SPTA1: variants seen among roughly 807,000 people sequenced by gnomAD.
SPTA1 encodes spectrin alpha chain, erythrocytic 1.
SPTA1 carries 177 observed loss-of-function variants against 324.7 expected under a neutral mutation model. The ratio of observed to expected loss-of-function variants is 0.55; its 90% CI spans 0.48 to 0.62. The LOEUF (loss-of-function observed/expected upper bound fraction) is 0.62, where lower values mean the gene tolerates loss of function less well. SPTA1 is among the 20% of genes least tolerant of loss of function. The pLI is 0.00. For synonymous variants in SPTA1, 1,195 were observed against 1,041.3 expected, an observed-to-expected ratio of 1.15 and a Z score of -2.84; for missense variants, 3,162 against 2,883.6, an observed-to-expected ratio of 1.10 and a Z score of -2.21.
rs751271842 is a variant in SPTA1 at position 158,615,381 on chromosome 1, G to A, written c.6623C>T (p.Ala2208Val). Residue 2208 changes from alanine (A) to valine (V), a missense_variant, in exon 48 of 52, where the codon GCG becomes GTG. Physicochemically the swap from Ala to Val is moderately conservative, Grantham distance 64 (BLOSUM62 0). Coordinates refer to ENST00000643759, the MANE Select transcript of SPTA1 (RefSeq NM_003126.4). ...ANKRKQKEIQ[A>V]MKRQLTKIVD... ...AATCTTGGTTAGTTGACGCTTCATCGCCTGGATCTCCTTCTGTTTTCTCTG... is the reference window on the plus strand; with the variant it reads ...AATCTTGGTTAGTTGACGCTTCATCACCTGGATCTCCTTCTGTTTTCTCTG... The A allele has an allele frequency of 4.0e-5, 64 of 1,613,910 alleles. No homozygotes were observed. The highest frequency in any genetic ancestry group is 6.7e-5 in the African/African-American group (5 of 74,922).
At chr1:158,655,039 T>C (rs1387141911) in intron 20 of SPTA1, among the ~76,000 whole-genome samples, 1 of 151,824 alleles carries the variant, frequency 6.6e-6, no homozygotes, top group Non-Finnish European at 1.5e-5. Context: ...ATGGGAGGAG[T>C]ACATTTTAAG....
At chr1:158,671,556 G>A (rs1455018917) in intron 11 of SPTA1, 103 bp from the exon 12 acceptor site, 5 of 883,202 alleles carry the variant, frequency 5.7e-6, no homozygotes, top group Non-Finnish European at 9.3e-6. Context: ...GGAACAAGGT[G>A]GGAATTAGCA....
At chr1:158,679,842 T>C (rs1654671765) in intron 5 of SPTA1, among the ~76,000 whole-genome samples, 1 of 152,144 alleles carries the variant, frequency 6.6e-6, no homozygotes, top group Admixed American at 6.6e-5. Flanking sequence ...TAGAAACTAC[T>C]GGAAATATGG....
chr1:158,686,297 A>G (rs1655169999), intron 1 of SPTA1, among the ~76,000 whole-genome samples, 197 bp downstream of exon 1: 1 of 152,202 alleles, frequency 6.6e-6, no homozygotes, highest in Non-Finnish European at 1.5e-5. Context: ...GACTTAAGTC[A>G]TTACTGGGTC....
At position 158,645,514 on chromosome 1, in the gene SPTA1, A is replaced by C. The variant is rs759401289; in HGVS notation, c.3977T>G (p.Ile1326Ser). ...TTTTACCTGATGTCTCTCCAGCAAG[A>C]TCTCTATGCCAGTTAAGTCTTCGGC... ...ELAEDLTGIE[I>S]LLERHQEHRA... is the part of the protein sequence containing the mutation. The change falls in exon 28 of 52, where the codon ATC becomes AGC. Residue 1326 changes from isoleucine to serine, a missense_variant. Transcript: ENST00000643759. The C allele has an allele frequency of 1.9e-5, 30 of 1,613,880 alleles. No homozygotes were observed. Among genetic ancestry groups the C allele is most frequent in the Non-Finnish European group, 2.3e-5 (27 of 1,179,938 alleles).
chr1:158,659,605 T>TTTTTTTTTA (rs1553232609), intron 18 of SPTA1, among the ~76,000 whole-genome samples: 3 of 100,996 alleles, frequency 3.0e-5, no homozygotes, highest in Non-Finnish European at 6.6e-5. Context: ...ATTTTTTTTT[T>TTTTTTTTTA]TTTTTTTTTT....
In SPTA1 at chr1:158,643,379, G is replaced by T. The variant is rs1651759877; in HGVS notation, c.4385C>A (p.Ala1462Asp). ...CTCTTCTTTGGCATAGTGTTCATCAGCAATGAGGCTCTCAGCAAAATGTTC... is the reference window on the plus strand; with the variant it reads ...CTCTTCTTTGGCATAGTGTTCATCATCAATGAGGCTCTCAGCAAAATGTTC... The part of the protein sequence containing the change: ...DLEHFAESLI[A>D]DEHYAKEEIA... The change falls in exon 31 of 52, where the codon GCT becomes GAT. Residue 1462 changes from alanine to aspartate, a missense_variant. Transcript: ENST00000643759. 3.1e-6 allele frequency: 5 copies of T among 1,613,850 alleles called. No homozygotes were observed. The East Asian group carries it at 1.1e-4, about 36-fold the overall frequency.
At chr1:158,640,805 CTACTT>C (rs1353703603) in intron 33 of SPTA1, among the ~76,000 whole-genome samples, 2 of 152,182 alleles carry the variant, frequency 1.3e-5, no homozygotes, top group Non-Finnish European at 2.9e-5. Context: ...TTGGAAAAAA[CTACTT>C]TAAAGTTCAT....
At chr1:158,661,240 G>A (rs1309475219) in intron 18 of SPTA1, 47 bp downstream of exon 18, 1 of 1,613,430 alleles carries the variant, frequency 6.2e-7, no homozygotes, top group Admixed American at 1.7e-5. Context: ...CTTCCCAGAG[G>A]TCTGGCCTGG....
Position 158,614,238 on chromosome 1 carries a change from T to C in SPTA1, c.6842+15A>G. The C allele has an allele frequency of 1.3e-6, 2 of 1,559,648 alleles. No individual in the cohort carries two copies. Among genetic ancestry groups the C allele is most frequent in the Admixed American group, 1.7e-5 (1 of 59,726 alleles). On this transcript the variant is annotated intron_variant, in intron 49 of 51. Transcript: ENST00000643759. ...TGAAAAACAAAGAAGCAGTTAACTATGAAATTATACTCACTTATAGATTGT... is the reference window on the plus strand; with the variant it reads ...TGAAAAACAAAGAAGCAGTTAACTACGAAATTATACTCACTTATAGATTGT...
Position 158,661,267 on chromosome 1 carries a change from T to C in SPTA1, c.2587+20A>G. 1 of 1,613,840 alleles carries C rather than the reference T, an allele frequency of 6.2e-7. No individual in the cohort carries two copies. The highest frequency in any genetic ancestry group is 8.5e-7 in the Non-Finnish European group (1 of 1,179,780). ...CTGGCCTGGTGATGTTTTGTCCAAC[T>C]GAATCTCAATCATACATACCTTCCT... On this transcript the variant is annotated intron_variant, in intron 18 of 51. Transcript: ENST00000643759.
intron 18 of SPTA1, among the ~76,000 whole-genome samples, chr1:158,659,359 C>A (rs1443624976): frequency 3.3e-5 from 5 of 151,502 alleles, no homozygotes; most frequent in Non-Finnish European, 5.9e-5. Flanking sequence ...TTTTGGGATC[C>A]CTTTACAATT....
Position 158,614,304 on chromosome 1 carries a change from T to C in SPTA1, c.6791A>G (p.Asp2264Gly), listed in dbSNP as rs1475999031. ...HNLEQQIQAKDIKGVSEETLK... is the reference protein window; with the variant it reads ...HNLEQQIQAKGIKGVSEETLK... ...AGTCTCTTCACTCACACCTTTGATG[T>C]CCCTGAAAGAAAAAAAAAAAACATG... The change falls in exon 49 of 52, where the codon GAC becomes GGC. Residue 2264 changes from aspartate (D) to glycine (G), a missense_variant and splice_region_variant. Transcript: ENST00000643759. 2 of 1,555,662 alleles carry C rather than the reference T, an allele frequency of 1.3e-6. No individual in the cohort carries two copies. Among genetic ancestry groups the C allele is most frequent in the Non-Finnish European group, 8.7e-7 (1 of 1,145,380 alleles).
chr1:158,681,003 T>C (rs1654767104), intron 4 of SPTA1, among the ~76,000 whole-genome samples: 1 of 152,182 alleles, frequency 6.6e-6, no homozygotes, highest in Admixed American at 6.5e-5. Flanking sequence ...TTTTGAAACA[T>C]GAGGGATAAA....
intron 47 of SPTA1, among the ~76,000 whole-genome samples, chr1:158,615,717 A>C (rs1282507727): frequency 6.6e-6 from 1 of 151,818 alleles, no homozygotes; most frequent in Non-Finnish European, 1.5e-5. Context: ...TCATCTATCT[A>C]TCTGTCTGTC....
chr1:158,666,637 A>G, intron 15 of SPTA1, 140 bp from the exon 16 acceptor site: 2 of 784,234 alleles, frequency 2.6e-6, no homozygotes, highest in South Asian at 3.2e-5. Flanking sequence ...CACATGTCTC[A>G]CAAAAAGTCA....
At chr1:158,651,773 G>T (rs1227333776) in intron 23 of SPTA1, among the ~76,000 whole-genome samples, 1 of 152,132 alleles carries the variant, frequency 6.6e-6, no homozygotes, top group Non-Finnish European at 1.5e-5. Flanking sequence ...TACCTGAGCT[G>T]TGTAACATCC....
At position 158,661,284 on chromosome 1, in the gene SPTA1, T is replaced by A. The variant is rs762839810; in HGVS notation, c.2587+3A>T. ...TGTCCAACTGAATCTCAATCATACATACCTTCCTCTACCATTTTGTTTCCC... is the reference window on the plus strand; with the variant it reads ...TGTCCAACTGAATCTCAATCATACAAACCTTCCTCTACCATTTTGTTTCCC... On this transcript the variant is annotated splice_donor_region_variant and intron_variant, in intron 18 of 51. Transcript: ENST00000643759. The A allele has an allele frequency of 3.1e-6, 5 of 1,613,760 alleles. No individual in the cohort carries two copies. Among genetic ancestry groups the A allele is most frequent in the Non-Finnish European group, 4.2e-6 (5 of 1,179,826 alleles).
At chr1:158,615,103 G>T in intron 48 of SPTA1, 113 bp downstream of exon 48, 3 of 1,175,098 alleles carry the variant, frequency 2.6e-6, no homozygotes, top group Non-Finnish European at 3.8e-6. Context: ...CCAGAATATT[G>T]GTTCTCTGAA....
Sources: gnomAD v4.1 joint callset for allele counts (sites outside exome capture counted in the v4.1 genomes callset) on GRCh38, gnomAD v4.1.1 for gene constraint, MANE v1.5 for transcripts, NCBI Gene and HGNC (gene_info 2026-07-23, HGNC 2026-07-21) for gene names.